The following KCNH2 variants were observed in gnomAD, a reference collection of about 807,000 sequenced individuals.
KCNH2 encodes the protein potassium voltage-gated channel subfamily H member 2, also known as voltage-gated inwardly rectifying potassium channel KCNH2.
KCNH2 carries 35 observed loss-of-function variants against 95.9 expected under a neutral mutation model. The observed-to-expected ratio is 0.37, with a 90% CI of 0.28 to 0.48. The LOEUF (loss-of-function observed/expected upper bound fraction) is 0.48. Ranked by LOEUF, KCNH2 falls within the 20% of genes least tolerant of loss-of-function variation. KCNH2 has a pLI of 0.99. For missense variants in KCNH2, 1,274 were observed against 1,702.9 expected, an observed-to-expected ratio of 0.75 and a Z score of 4.43; for synonymous variants, 786 against 754.7, an observed-to-expected ratio of 1.04 and a Z score of -0.68.
rs1426025675 is a variant in KCNH2 at position 150,946,049 on chromosome 7, G to A, written c.3331-535C>T. Reference sequence around the variant, plus strand: ...AGCTCTGCGGGGGCGGCTGCGAAGGGAGACTGGCACATTTGCTGACGTGGG... The same window carrying A: ...AGCTCTGCGGGGGCGGCTGCGAAGGAAGACTGGCACATTTGCTGACGTGGG... On this transcript the variant is annotated intron_variant, in intron 14 of 14. Coordinates refer to ENST00000262186, the MANE Select transcript of KCNH2 (RefSeq NM_000238.4). This position sits in a 1 kb window ranked among gnomAD's most constrained non-coding sequence, Gnocchi z 6.5. Among the ~76,000 whole-genome samples the A allele has an allele frequency of 7.2e-5, 11 of 152,146 alleles. No homozygotes were observed. The highest frequency in any genetic ancestry group is 1.5e-4 in the Non-Finnish European group (10 of 68,018).
intron 1 of KCNH2, among the ~76,000 whole-genome samples, chr7:150,975,501 C>T (rs1299487769): frequency 1.3e-5 from 2 of 152,176 alleles, no homozygotes; most frequent in African/African-American, 4.8e-5. Flanking sequence ...AACTTCTGCA[C>T]ACCACCCCCG....
In KCNH2 at chr7:150,946,846, G is replaced by C. The variant is rs200181671; in HGVS notation, c.3330+31C>G. The C allele has an allele frequency of 5.5e-5, 87 of 1,583,486 alleles. No homozygotes were observed. The East Asian group carries it at 1.8e-3, about 33-fold the overall frequency. On this transcript the variant is annotated intron_variant, in intron 14 of 14. Transcript: ENST00000262186. This position sits in a 1 kb window ranked among gnomAD's most constrained non-coding sequence, Gnocchi z 6.5. ...TGGAATCGGGGAACAAGCGGGTCACGGTACATCGAGGAAGCAGGGCTGGAG... is the reference window on the plus strand; with the variant it reads ...TGGAATCGGGGAACAAGCGGGTCACCGTACATCGAGGAAGCAGGGCTGGAG...
rs199473532 is a variant in KCNH2, at chr7:150,950,935, T to C, written c.2131A>G (p.Ile711Val). 2.0e-5 allele frequency: 32 copies of C among 1,614,070 alleles called. No individual in the cohort carries two copies. The highest frequency in any genetic ancestry group is 2.5e-6 in the Non-Finnish European group (3 of 1,180,038). The change falls in exon 8 of 15, where the codon ATC becomes GTC. Residue 711 changes from isoleucine (I) to valine (V), a missense_variant. Around this residue, in one of 7 missense-constraint regions of KCNH2, gnomAD observed 159 missense variants for 282.5 expected, o/e 0.56. Transcript: ENST00000262186. ...FQHAWSYTNG[I>V]DMNAVLKGFP... ...GGTGGCCTCACCGCGTTCATGTCGA[T>C]GCCGTTGGTGTAGGACCAGGCGTGC... is the stretch of plus-strand genomic sequence containing the variant.
rs1802025879 is a variant in KCNH2, at chr7:150,978,157, T to A, written c.-244A>T. 1 of 146,168 alleles carries A rather than the reference T, an allele frequency of 6.8e-6. No homozygotes were observed. Among genetic ancestry groups the A allele is most frequent in the Non-Finnish European group, 1.5e-5 (1 of 66,050 alleles). The allele number at this position is 146,168 out of a possible 1,614,324, so 9.1% of individuals were successfully genotyped here. A position where few individuals can be genotyped will look rare whatever the true frequency, so the allele number is the denominator to read the frequency against. On this transcript the variant is annotated 5_prime_UTR_variant, in exon 1 of 15. Coordinates refer to ENST00000262186, the MANE Select transcript of KCNH2 (RefSeq NM_000238.4). ...GCCGCCCGCCGCCGGCACACCTGTC[T>A]GCCGGCCCCCGCCGAGCCGCGGGGC... is the stretch of plus-strand genomic sequence containing the variant.
chr7:150,968,566 A>T (rs900469354), intron 2 of KCNH2, among the ~76,000 whole-genome samples: 1 of 152,266 alleles, frequency 6.6e-6, no homozygotes. Context: ...CATTTGCAAG[A>T]ACATATGCAA....
At chr7:150,949,446 T>G (rs1356231392) in intron 9 of KCNH2, 1 of 649,154 alleles carries the variant, frequency 1.5e-6, no homozygotes, top group Non-Finnish European at 2.0e-6. Context: ...TGAAAGAACA[T>G]ACAGTAGTAT....
intron 9 of KCNH2, chr7:150,949,299 G>T (rs2116942826): frequency 1.4e-6 from 2 of 1,388,566 alleles, no homozygotes; most frequent in South Asian, 1.5e-5. Flanking sequence ...CAGCCAGCAG[G>T]ACTACCCCAA....
Position 150,950,300 on chromosome 7 carries a change from T to C in KCNH2, c.2266A>G (p.Met756Val), listed in dbSNP as rs199473534. The change falls in exon 9 of 15, where the codon ATG becomes GTG. Residue 756 changes from methionine to valine, a missense_variant. This residue lies in a region of KCNH2 where 159 missense variants were observed against 282.5 expected (regional missense o/e 0.56). Transcript: ENST00000262186. Reference sequence around the variant, plus strand: ...GGTGCATGTGTGGTCTTGAACTTCATGGCCAGGGCCCGAAGGCAGCCCTTG... The same window carrying C: ...GGTGCATGTGTGGTCTTGAACTTCACGGCCAGGGCCCGAAGGCAGCCCTTG... ...ATKGCLRALA[M>V]KFKTTHAPPG... The C allele has an allele frequency of 5.5e-5, 88 of 1,613,698 alleles. No homozygotes were observed. The highest frequency in any genetic ancestry group is 7.4e-5 in the Non-Finnish European group (87 of 1,179,952).
rs527911312 is a variant in KCNH2, at chr7:150,952,674, C to G, written c.1308G>C (p.Thr436=). The change falls in exon 6 of 15, where the codon ACG becomes ACC. Residue 436 remains threonine, a synonymous_variant. Coordinates refer to ENST00000262186, the MANE Select transcript of KCNH2 (RefSeq NM_000238.4). The surrounding 1 kb of genome is among the most constrained non-coding windows in gnomAD (Gnocchi z 7.3). ...PYSAAFLLKE[T]EEGPPATECG... ...ACTCGGTAGCAGGCGGGCCTTCTTCCGTCTCCTTCAGCAGGAAGGCAGCCG... is the reference window on the plus strand; with the variant it reads ...ACTCGGTAGCAGGCGGGCCTTCTTCGGTCTCCTTCAGCAGGAAGGCAGCCG... The G allele has an allele frequency of 6.2e-7, 1 of 1,614,168 alleles. No individual in the cohort carries two copies. The highest frequency in any genetic ancestry group is 8.5e-7 in the Non-Finnish European group (1 of 1,180,036).
At chr7:150,973,339 C>CA (rs1422649384) in intron 2 of KCNH2, among the ~76,000 whole-genome samples, 3 of 152,250 alleles carry the variant, frequency 2.0e-5, no homozygotes, top group East Asian at 3.9e-4. Flanking sequence ...GCTCCGTTCC[C>CA]AACTGCTATT....
At position 150,945,374 on chromosome 7, in the gene KCNH2, C is replaced by G. The variant is rs562609392; in HGVS notation, c.3471G>C (p.Pro1157=). ...ACACTGGGCAGCCCCACTAACTGCC[C>G]GGGTCCGAGCCGTGTCTGTGCAGGG... ...SQPLHRHGSD[P]GS The change falls in exon 15 of 15, where the codon CCG becomes CCC. Residue 1157 remains proline (P), a synonymous_variant. Transcript: ENST00000262186. This position sits in a 1 kb window ranked among gnomAD's most constrained non-coding sequence, Gnocchi z 5.6. The G allele has an allele frequency of 1.3e-6, 2 of 1,586,676 alleles. No homozygotes were observed. The highest frequency in any genetic ancestry group is 2.7e-5 in the African/African-American group (2 of 74,276).
At position 150,948,519 on chromosome 7, in the gene KCNH2, C is replaced by G. The variant is rs41314354; in HGVS notation, c.2617G>C (p.Gly873Arg). Residue 873 changes from glycine to arginine, a missense_variant, in exon 11 of 15, where the codon GGC (glycine) becomes CGC (arginine). By Grantham distance (125) the Gly-to-Arg change is moderately radical. Coordinates refer to ENST00000262186, the MANE Select transcript of KCNH2 (RefSeq NM_000238.4). Reference sequence around the variant, plus strand: ...AAGCCACCCTCTAACTCCGTACTGCCGGGGGAGCCCGGGATCATGTTGGTC... The same window carrying G: ...AAGCCACCCTCTAACTCCGTACTGCGGGGGGAGCCCGGGATCATGTTGGTC... ...RDTNMIPGSP[G>R]STELEGGFSR... The G allele has an allele frequency of 6.2e-7, 1 of 1,613,708 alleles. No individual in the cohort carries two copies. Among genetic ancestry groups the G allele is most frequent in the Admixed American group, 1.7e-5 (1 of 60,022 alleles).
rs904507849 is a variant in KCNH2 at position 150,946,043 on chromosome 7, C to T, written c.3331-529G>A. 1.3e-5 allele frequency among the ~76,000 whole-genome samples: 2 copies of T among 152,018 alleles called. No homozygotes were observed. The highest frequency in any genetic ancestry group is 2.9e-5 in the Non-Finnish European group (2 of 67,994). ...GGTGAGAGCTCTGCGGGGGCGGCTG[C>T]GAAGGGAGACTGGCACATTTGCTGA... is the stretch of plus-strand genomic sequence containing the variant. On this transcript the variant is annotated intron_variant, in intron 14 of 14. Coordinates refer to ENST00000262186, the MANE Select transcript of KCNH2 (RefSeq NM_000238.4). The surrounding 1 kb of genome is among the most constrained non-coding windows in gnomAD (Gnocchi z 6.5).
intron 5 of KCNH2, among the ~76,000 whole-genome samples, chr7:150,954,692 G>A (rs1312725162): frequency 6.6e-6 from 1 of 152,136 alleles, no homozygotes; most frequent in Admixed American, 6.5e-5. Context: ...GTGCAGATGT[G>A]GGGTGGTGGG....
chr7:150,952,859 C>A lies in KCNH2; in HGVS notation c.1129-6G>T, dbSNP rs555400904. ...TCGGCGCCCAGGGACAGGACCTGCACCCGGGGAAGGCGGAGGTGTGGGTGA... is the reference window on the plus strand; with the variant it reads ...TCGGCGCCCAGGGACAGGACCTGCAACCGGGGAAGGCGGAGGTGTGGGTGA... On this transcript the variant is annotated splice_polypyrimidine_tract_variant and splice_region_variant and intron_variant, in intron 5 of 14. Transcript: ENST00000262186. This position sits in a 1 kb window ranked among gnomAD's most constrained non-coding sequence, Gnocchi z 7.3. 3.6e-5 allele frequency: 58 copies of A among 1,612,484 alleles called. 1 individual carries two copies. In the Admixed American group the frequency reaches 9.2e-4, roughly 25 times the overall value.
chr7:150,958,813 G>T (rs1254580394), intron 3 of KCNH2, among the ~76,000 whole-genome samples: 1 of 152,230 alleles, frequency 6.6e-6, no homozygotes, highest in Non-Finnish European at 1.5e-5. Flanking sequence ...AAGGCGTCAT[G>T]TCACTCTCTG....
intron 1 of KCNH2, among the ~76,000 whole-genome samples, 166 bp downstream of exon 1, chr7:150,977,672 C>T (rs1261840062): frequency 6.6e-6 from 1 of 151,592 alleles, no homozygotes. Flanking sequence ...CCCCGGTGCA[C>T]CAAGCCTTGC....
Position 150,946,843 on chromosome 7 carries a change from C to A in KCNH2, c.3330+34G>T, listed in dbSNP as rs2116924539. 1 of 1,579,724 alleles carries A rather than the reference C, an allele frequency of 6.3e-7. No individual in the cohort carries two copies. The highest frequency in any genetic ancestry group is 1.1e-5 in the South Asian group (1 of 87,562). The stretch of plus-strand genomic sequence containing the variant: ...GGCTGGAATCGGGGAACAAGCGGGT[C>A]ACGGTACATCGAGGAAGCAGGGCTG... On this transcript the variant is annotated intron_variant, in intron 14 of 14. Transcript: ENST00000262186. The surrounding 1 kb of genome is among the most constrained non-coding windows in gnomAD (Gnocchi z 6.5).
intron 2 of KCNH2, among the ~76,000 whole-genome samples, chr7:150,964,029 G>A (rs992109744): frequency 1.3e-5 from 2 of 152,220 alleles, no homozygotes; most frequent in Non-Finnish European, 2.9e-5. Flanking sequence ...CAACCCATCC[G>A]AGGTCAGGGG....
Sources: gnomAD v4.1 joint callset for allele counts (sites outside exome capture counted in the v4.1 genomes callset) on GRCh38, gnomAD v4.1.1 for gene constraint, gnomAD v4.1.1 regional missense constraint, Gnocchi (gnomAD v3.1) non-coding constraint, MANE v1.5 for transcripts, NCBI Gene and HGNC (gene_info 2026-07-23, HGNC 2026-07-21) for gene names.